The following STXBP4 variants were observed in gnomAD, a reference collection of about 807,000 sequenced individuals.
The protein encoded by STXBP4 is syntaxin-binding protein 4.
Under a neutral mutation model 76.1 loss-of-function variants are expected in STXBP4, and 55 were observed. The observed-to-expected ratio is 0.72, with a 90% CI of 0.58 to 0.91. The LOEUF (loss-of-function observed/expected upper bound fraction) is 0.91. Ranked by LOEUF, STXBP4 falls within the 40% of genes least tolerant of loss-of-function variation. The pLI is 0.00. For synonymous variants in STXBP4, 201 were observed against 220.2 expected (o/e 0.91, Z 0.77); for missense variants, 618 against 636.9 (o/e 0.97, Z 0.32).
At chr17:55,102,853 T>A (rs962729057) in intron 16 of STXBP4, among the ~76,000 whole-genome samples, 1 of 152,266 alleles carries the variant, frequency 6.6e-6, no homozygotes, top group African/African-American at 2.4e-5. Context: ...ATTGTGGTTT[T>A]GATTTGCATT....
chr17:54,992,071 T>C (rs2077726367), intron 4 of STXBP4, among the ~76,000 whole-genome samples: 2 of 152,276 alleles, frequency 1.3e-5, no homozygotes, highest in Admixed American at 6.5e-5. Flanking sequence ...TCAATTGTTT[T>C]ATGCTTGTTC....
chr17:54,995,479 GCA>G (rs891984846), intron 4 of STXBP4, among the ~76,000 whole-genome samples: 1 of 152,128 alleles, frequency 6.6e-6, no homozygotes, highest in African/African-American at 2.4e-5. Context: ...AGCTATGCAT[GCA>G]CACACACATA....
intron 17 of STXBP4, among the ~76,000 whole-genome samples, chr17:55,158,293 A>G (rs2080302892): frequency 6.6e-6 from 1 of 152,198 alleles, no homozygotes; most frequent in Admixed American, 6.5e-5. Context: ...GTTACTTTAT[A>G]ATGTAGGAGG....
At chr17:55,208,294 T>C in the STXBP4 span, among the ~76,000 whole-genome samples, 3 of 152,010 alleles carry the variant, frequency 2.0e-5, no homozygotes, top group Non-Finnish European at 2.9e-5. Flanking sequence ...GTTGTTGACT[T>C]GACTACAGAC....
rs2078733295 is a variant in STXBP4, at chr17:55,043,233, T to G, written c.856-3T>G. The G allele has an allele frequency of 6.8e-7, 1 of 1,473,012 alleles. No individual in the cohort carries two copies. The highest frequency in any genetic ancestry group is 1.4e-5 in the African/African-American group (1 of 69,282). The allele number at this position is 1,473,012 out of a possible 1,614,324, so 91.2% of individuals were successfully genotyped here. Reference sequence around the variant, plus strand: ...CTTTTCTCTTATATTTTAATGTTGATAGCTTCTTCCTTGTGATTCTTCAGA... The same window carrying G: ...CTTTTCTCTTATATTTTAATGTTGAGAGCTTCTTCCTTGTGATTCTTCAGA... On this transcript the variant is annotated splice_region_variant and splice_polypyrimidine_tract_variant and intron_variant, in intron 10 of 17. Coordinates refer to ENST00000376352, the MANE Select transcript of STXBP4 (RefSeq NM_178509.6).
At chr17:55,154,768 A>G (rs1267034085) in intron 17 of STXBP4, among the ~76,000 whole-genome samples, 1 of 152,156 alleles carries the variant, frequency 6.6e-6, no homozygotes, top group African/African-American at 2.4e-5. Flanking sequence ...TTTATCTTTT[A>G]GAAGTCTAGT....
At chr17:54,991,749 C>T (rs1413032480) in intron 4 of STXBP4, 1 of 149,772 alleles carries the variant, frequency 6.7e-6, no homozygotes, top group African/African-American at 2.4e-5. Context: ...AAAATATTCT[C>T]CATTTGATTG....
chr17:55,107,724 A>G (rs986092538), intron 16 of STXBP4, among the ~76,000 whole-genome samples: 1 of 152,056 alleles, frequency 6.6e-6, no homozygotes, highest in African/African-American at 2.4e-5. Context: ...TCCAGACCCT[A>G]TTTGCCTGGG....
chr17:55,208,102 C>A, the STXBP4 span, among the ~76,000 whole-genome samples: 1 of 150,882 alleles, frequency 6.6e-6, no homozygotes, highest in African/African-American at 2.4e-5. Context: ...TTAATCCTCT[C>A]CACAGCTTCA....
At chr17:54,976,984 A>G (rs2077482595) in intron 1 of STXBP4, among the ~76,000 whole-genome samples, 2 of 152,080 alleles carry the variant, frequency 1.3e-5, no homozygotes, top group African/African-American at 2.4e-5. Flanking sequence ...TTTCCCTGCC[A>G]TATAAGCCCC....
chr17:55,155,685 A>C (rs912542364), intron 17 of STXBP4, among the ~76,000 whole-genome samples: 1 of 152,130 alleles, frequency 6.6e-6, no homozygotes, highest in Non-Finnish European at 1.5e-5. Context: ...CGGTTATAAG[A>C]ATGAATTTCT....
At chr17:55,185,265 TTCTCCTTCTC>T in the STXBP4 span, among the ~76,000 whole-genome samples, 1 of 53,438 alleles carries the variant, frequency 1.9e-5, no homozygotes, top group Non-Finnish European at 3.7e-5. Context: ...CTCCTTCTCC[TTCTCCTTCTC>T]CTTCTCCTTC....
rs367814526 is a variant in STXBP4 at position 55,013,529 on chromosome 17, A to G, written c.666+5932A>G. Among the ~76,000 whole-genome samples, 14 of 152,358 alleles carry G rather than the reference A, an allele frequency of 9.2e-5. No homozygotes were observed. The East Asian group carries it at 2.3e-3, about 25-fold the overall frequency. Reference sequence around the variant, plus strand: ...GAGGATAAGCCAGTATAGGCTGGATACATTCCTCACTGAGGGCCTTGGTGC... The same window carrying G: ...GAGGATAAGCCAGTATAGGCTGGATGCATTCCTCACTGAGGGCCTTGGTGC... On this transcript the variant is annotated intron_variant, in intron 8 of 17. Transcript: ENST00000376352.
chr17:55,160,094 A>G lies in STXBP4; in HGVS notation c.*183A>G, dbSNP rs559264133. On this transcript the variant is annotated 3_prime_UTR_variant, in exon 18 of 18. Coordinates refer to ENST00000376352, the MANE Select transcript of STXBP4 (RefSeq NM_178509.6). ...TGATATTTCTGTATACATTTAAAAA[A>G]TCAATTGCCACTACAGTAGTTCCTT... The G allele has an allele frequency of 2.2e-6, 1 of 462,988 alleles. No homozygotes were observed. Among genetic ancestry groups the G allele is most frequent in the Non-Finnish European group, 3.8e-6 (1 of 262,272 alleles). 28.7% of individuals were successfully genotyped at this position (462,988 alleles called of 1,614,324 possible).
At chr17:55,056,167 A>C (rs751820431) in intron 12 of STXBP4, among the ~76,000 whole-genome samples, 1 of 152,218 alleles carries the variant, frequency 6.6e-6, no homozygotes, top group Admixed American at 6.5e-5. Flanking sequence ...TAAAAAAGGA[A>C]AAAGAAACAG....
chr17:55,052,361 A>G (rs1298538898), intron 12 of STXBP4, among the ~76,000 whole-genome samples: 1 of 152,206 alleles, frequency 6.6e-6, no homozygotes, highest in African/African-American at 2.4e-5. Context: ...TAGTACAGTA[A>G]TGTATTGCAG....
chr17:55,081,668 A>G (rs894299301), intron 16 of STXBP4, among the ~76,000 whole-genome samples: 1 of 152,210 alleles, frequency 6.6e-6, no homozygotes, highest in Non-Finnish European at 1.5e-5. Flanking sequence ...ACTCTGGGGC[A>G]GTCAGCAGGG....
At chr17:54,972,974 A>G (rs1193769944) in intron 1 of STXBP4, among the ~76,000 whole-genome samples, 2 of 152,192 alleles carry the variant, frequency 1.3e-5, no homozygotes, top group Non-Finnish European at 2.9e-5. Flanking sequence ...CCCACTGGAC[A>G]CCATCCAAAC....
At chr17:55,063,586 C>T (rs1268022004) in intron 12 of STXBP4, among the ~76,000 whole-genome samples, 1 of 152,148 alleles carries the variant, frequency 6.6e-6, no homozygotes, top group Non-Finnish European at 1.5e-5. Context: ...ATTTAAGAAA[C>T]ATTTCTAAAT....
Sources: allele counts gnomAD v4.1 joint callset (sites outside exome capture counted in the v4.1 genomes callset), GRCh38; gene constraint gnomAD v4.1.1; transcripts MANE v1.5; gene names NCBI Gene and HGNC (gene_info 2026-07-23, HGNC 2026-07-21).